DMD: variants seen among roughly 807,000 people sequenced by gnomAD.
The protein encoded by DMD is mutant dystrophin.
Under a neutral mutation model 330.1 loss-of-function variants are expected in DMD, and 63 were observed. That is an observed-to-expected ratio of 0.19 (90% CI 0.16 to 0.24). The LOEUF (loss-of-function observed/expected upper bound fraction) is 0.24. Ranked by LOEUF, DMD falls within the 10% of genes least tolerant of loss-of-function variation. The pLI is 1.00. For missense variants in DMD, 3,344 were observed against 2,684.1 expected, an observed-to-expected ratio of 1.25 and a Z score of -5.43; for synonymous variants, 1,223 against 959.8, an observed-to-expected ratio of 1.27 and a Z score of -5.07.
rs952878562 is a variant in DMD, at chrX:31,529,918, C to A, written c.8218-22465G>T. Among the ~76,000 whole-genome samples, 6 of 106,905 alleles carry A rather than the reference C, an allele frequency of 5.6e-5. No homozygotes were observed. The Admixed American group carries it at 6.2e-4, about 11-fold the overall frequency. The allele number at this position is 106,905 out of a possible 115,157, so 92.8% of individuals were successfully genotyped here. A position where few individuals can be genotyped will look rare whatever the true frequency, so the allele number is the denominator to read the frequency against. On this transcript the variant is annotated intron_variant, in intron 55 of 78. Coordinates refer to ENST00000357033, the MANE Select transcript of DMD (RefSeq NM_004006.3). ...TCTTTAAAAAAAAAAAAAAAGAATGCGAGTGAATGTTGCTACGACATCTAT... is the reference window on the plus strand; with the variant it reads ...TCTTTAAAAAAAAAAAAAAAGAATGAGAGTGAATGTTGCTACGACATCTAT...
chrX:31,267,010 G>A, intron 62 of DMD: 2 of 656,194 alleles, frequency 3.0e-6, no homozygotes, highest in South Asian at 3.7e-5. Context: ...ACGGGGCGGG[G>A]CCGTGTCGGG....
intron 74 of DMD, among the ~76,000 whole-genome samples, chrX:31,156,910 CTAGCCACATTG>C (rs1368779233): frequency 9.0e-6 from 1 of 111,453 alleles, no homozygotes; most frequent in Non-Finnish European, 1.9e-5. Flanking sequence ...GTTCTAGCCC[CTAGCCACATTG>C]TAGCCACCCC....
At chrX:32,922,759 C>T (rs890537411) in intron 2 of DMD, among the ~76,000 whole-genome samples, 36 of 111,535 alleles carry the variant, frequency 3.2e-4, no homozygotes, top group African/African-American at 1.1e-3. Context: ...TTTGGGGACC[C>T]CTGCTTTGGG....
At chrX:32,093,888 A>C (rs1176073932) in intron 44 of DMD, among the ~76,000 whole-genome samples, 1 of 111,125 alleles carries the variant, frequency 9.0e-6, no homozygotes, top group African/African-American at 3.3e-5. Flanking sequence ...AACAAGAAAA[A>C]TTAGTTTAAA....
At chrX:31,318,476 C>T (rs1165763823) in intron 62 of DMD, among the ~76,000 whole-genome samples, 2 of 112,307 alleles carry the variant, frequency 1.8e-5, no homozygotes, top group African/African-American at 6.5e-5. Context: ...CTGTTAACTT[C>T]ATCCAATAAG....
At chrX:32,573,887 G>A in intron 13 of DMD, 41 bp from the exon 14 acceptor site, 1 of 1,084,349 alleles carries the variant, frequency 9.2e-7, no homozygotes, top group Non-Finnish European at 1.3e-6. Context: ...GCAAACAATT[G>A]GTAACTACGT....
intron 47 of DMD, among the ~76,000 whole-genome samples, chrX:31,909,675 C>T (rs1206777614): frequency 8.9e-6 from 1 of 111,841 alleles, no homozygotes; most frequent in Non-Finnish European, 1.9e-5. Flanking sequence ...TAGAACTAAT[C>T]CTCCATGACA....
intron 44 of DMD, among the ~76,000 whole-genome samples, chrX:32,115,552 G>A (rs982387546): frequency 8.1e-5 from 9 of 111,217 alleles, no homozygotes; most frequent in Non-Finnish European, 1.5e-4. Context: ...CAACTCTTAC[G>A]TTATTATTCC....
chrX:31,714,944 A>T lies in DMD; in HGVS notation c.7660+14687T>A, dbSNP rs367742076. On this transcript the variant is annotated intron_variant, in intron 52 of 78. Coordinates refer to ENST00000357033, the MANE Select transcript of DMD (RefSeq NM_004006.3). ...AGTCAATGAATGTGCTGCTTTAGTG[A>T]TCACAACACATTCTGTTAGTTGCCA... Among the ~76,000 whole-genome samples, 16 of 111,414 alleles carry T rather than the reference A, an allele frequency of 1.4e-4. No homozygotes were observed. The East Asian group carries it at 4.2e-3, about 29-fold the overall frequency.
intron 33 of DMD, among the ~76,000 whole-genome samples, 156 bp from the exon 34 acceptor site, chrX:32,380,836 A>C (rs777806055): frequency 9.0e-6 from 1 of 111,697 alleles, no homozygotes; most frequent in Admixed American, 9.6e-5. Context: ...TATTCTGAAT[A>C]TTAAGAGTGA....
At chrX:32,401,848 TACAA>T (rs923034554) in intron 30 of DMD, among the ~76,000 whole-genome samples, 1 of 112,484 alleles carries the variant, frequency 8.9e-6, no homozygotes, top group Non-Finnish European at 1.9e-5. Context: ...ACTACGTGCC[TACAA>T]ACATTGAAAA....
Position 31,237,089 on chromosome X carries a change from C to T in DMD, c.9287-13968G>A, listed in dbSNP as rs1332686575. Among the ~76,000 whole-genome samples, 16 of 112,017 alleles carry T rather than the reference C, an allele frequency of 1.4e-4. No individual in the cohort carries two copies. In the South Asian group the frequency reaches 5.6e-3, roughly 39 times the overall value. On this transcript the variant is annotated intron_variant, in intron 63 of 78. Transcript: ENST00000357033. ...CACAGTAGAAATTAACCTTAGTTACCATGGGAAAAGCAAACTGACCTTCTT... is the reference window on the plus strand; with the variant it reads ...CACAGTAGAAATTAACCTTAGTTACTATGGGAAAAGCAAACTGACCTTCTT...
chrX:31,197,800 C>T (rs912840242), intron 67 of DMD, among the ~76,000 whole-genome samples: 1 of 111,535 alleles, frequency 9.0e-6, no homozygotes, highest in Non-Finnish European at 1.9e-5. Flanking sequence ...ATGTTGACTG[C>T]AGCATTGTTC....
intron 49 of DMD, among the ~76,000 whole-genome samples, chrX:31,824,325 G>A (rs1303119941): frequency 1.8e-5 from 2 of 110,225 alleles, no homozygotes; most frequent in African/African-American, 6.6e-5. Flanking sequence ...ATGCAGTGGT[G>A]AGATCTTGGC....
intron 52 of DMD, among the ~76,000 whole-genome samples, chrX:31,701,806 A>G (rs1270136346): frequency 8.9e-6 from 1 of 112,441 alleles, no homozygotes; most frequent in Non-Finnish European, 1.9e-5. Context: ...GAAATGCAGA[A>G]TCTCAGGCTC....
intron 17 of DMD, among the ~76,000 whole-genome samples, chrX:32,525,277 A>G (rs2046838150): frequency 8.9e-6 from 1 of 111,920 alleles, no homozygotes; most frequent in African/African-American, 3.3e-5. Flanking sequence ...AATACTTAAC[A>G]TGTACCACCA....
intron 33 of DMD, among the ~76,000 whole-genome samples, chrX:32,381,570 T>G (rs1036582615): frequency 8.9e-6 from 1 of 111,736 alleles, no homozygotes; most frequent in Non-Finnish European, 1.9e-5. Flanking sequence ...GCAAATCTTC[T>G]TGCCTCACAC....
intron 51 of DMD, among the ~76,000 whole-genome samples, chrX:31,745,030 T>C (rs1282389801): frequency 1.8e-5 from 2 of 111,525 alleles, no homozygotes; most frequent in Non-Finnish European, 3.8e-5. Context: ...AACGTAATAG[T>C]CTACAGACCA....
chrX:32,209,776 GTT>G (rs1750925360), intron 44 of DMD, among the ~76,000 whole-genome samples: 1 of 111,658 alleles, frequency 9.0e-6, no homozygotes, highest in African/African-American at 3.3e-5. Flanking sequence ...ACTACAGTAA[GTT>G]ATGTTTTTTT....
Sources: gnomAD v4.1 joint callset for allele counts (sites outside exome capture counted in the v4.1 genomes callset) on GRCh38, gnomAD v4.1.1 for gene constraint, MANE v1.5 for transcripts, NCBI Gene and HGNC (gene_info 2026-07-23, HGNC 2026-07-21) for gene names.